DCAF6: variants seen among roughly 807,000 people sequenced by gnomAD.
The protein encoded by DCAF6 is DDB1- and CUL4-associated factor 6.
In DCAF6, 54 loss-of-function variants were observed where a neutral mutation model predicts 125.1. The ratio of observed to expected loss-of-function variants is 0.43; its 90% CI spans 0.35 to 0.54. DCAF6 has a LOEUF of 0.54. DCAF6 is among the 20% of genes least tolerant of loss of function. DCAF6 has a pLI of 0.01. For synonymous variants in DCAF6, 371 were observed against 390.4 expected (o/e 0.95, Z 0.58); for missense variants, 934 against 1,161.7 (o/e 0.80, Z 2.85).
chr1:168,027,133 G>C (rs1435769883), intron 12 of DCAF6, among the ~76,000 whole-genome samples: 1 of 152,110 alleles, frequency 6.6e-6, no homozygotes, highest in African/African-American at 2.4e-5. Context: ...TGATTGCTTT[G>C]ACATTGTAGT....
intron 6 of DCAF6, among the ~76,000 whole-genome samples, chr1:167,992,275 A>ACACACACACG (rs900398207): frequency 1.3e-5 from 2 of 149,526 alleles, no homozygotes; most frequent in Non-Finnish European, 3.0e-5. Context: ...ACACACACAC[A>ACACACACACG]CACACACAAA....
chr1:167,979,627 C>T (rs1678796798), intron 4 of DCAF6, among the ~76,000 whole-genome samples: 1 of 152,168 alleles, frequency 6.6e-6, no homozygotes, highest in Non-Finnish European at 1.5e-5. Context: ...TGGCTCATGC[C>T]TGTGATCCCA....
At chr1:167,928,816 T>C in the DCAF6 span, among the ~76,000 whole-genome samples, 1 of 152,212 alleles carries the variant, frequency 6.6e-6, no homozygotes, top group Non-Finnish European at 1.5e-5. Flanking sequence ...TAACATCCAT[T>C]ATGATAAATG....
the DCAF6 span, among the ~76,000 whole-genome samples, chr1:167,888,373 GA>G: frequency 6.6e-6 from 1 of 151,924 alleles, no homozygotes; most frequent in African/African-American, 2.4e-5. Context: ...TGGGTAGTAT[GA>G]ACATTCTTCC....
chr1:167,902,075 T>C, the DCAF6 span: 1 of 1,574,886 alleles, frequency 6.3e-7, no homozygotes, highest in Non-Finnish European at 8.7e-7. Flanking sequence ...AAAAAAAAAT[T>C]AAATCAAACC....
chr1:168,066,670 T>C lies in DCAF6; in HGVS notation c.2685+205T>C, dbSNP rs903052852. ...AATCTAAATAGTAGCTTACTAATTATAATATTCATCATCGGTAACACCAGA... is the reference window on the plus strand; with the variant it reads ...AATCTAAATAGTAGCTTACTAATTACAATATTCATCATCGGTAACACCAGA... On this transcript the variant is annotated intron_variant, in intron 20 of 21. Coordinates refer to ENST00000367840, the MANE Select transcript of DCAF6 (RefSeq NM_001198956.2). Among the ~76,000 whole-genome samples the C allele has an allele frequency of 2.6e-5, 4 of 152,142 alleles. No individual in the cohort carries two copies. In the South Asian group the frequency reaches 8.3e-4, roughly 32 times the overall value.
chr1:167,874,011 T>C, the DCAF6 span, among the ~76,000 whole-genome samples: 3 of 151,776 alleles, frequency 2.0e-5, no homozygotes, highest in South Asian at 2.1e-4. Context: ...AGTTGAAAAA[T>C]AGGTGAAAAA....
intron 2 of DCAF6, among the ~76,000 whole-genome samples, chr1:167,953,000 C>T (rs560788577): frequency 2.4e-4 from 36 of 152,150 alleles, no homozygotes; most frequent in African/African-American, 8.2e-4. Context: ...GCTGAAGATC[C>T]GCCTTGCTGA....
At chr1:167,885,458 CCTGT>C in the DCAF6 span, among the ~76,000 whole-genome samples, 1 of 152,122 alleles carries the variant, frequency 6.6e-6, no homozygotes, top group East Asian at 1.9e-4. Context: ...TTTGTTATTG[CCTGT>C]CTTTTGGATA....
At chr1:168,000,024 T>G (rs73026155) in intron 7 of DCAF6, among the ~76,000 whole-genome samples, 4,315 of 152,218 alleles carry the variant, frequency 0.028, 152 homozygotes, top group African/African-American at 0.081. Flanking sequence ...TGATTTAAAG[T>G]GAAAGGCATA....
chr1:168,064,029 TTC>T (rs2101962408), intron 18 of DCAF6: 2 of 196,094 alleles, frequency 1.0e-5, no homozygotes, highest in Admixed American at 6.2e-5. Flanking sequence ...TTTTTTTTTT[TTC>T]CCCCTCTCTT....
At chr1:167,956,210 T>C (rs148505939) in intron 2 of DCAF6, among the ~76,000 whole-genome samples, 1 of 152,312 alleles carries the variant, frequency 6.6e-6, no homozygotes, top group East Asian at 1.9e-4. Context: ...GTCTTTTTTT[T>C]TTCCTGGGAA....
intron 2 of DCAF6, among the ~76,000 whole-genome samples, chr1:167,963,085 C>T (rs1196684149): frequency 6.6e-6 from 1 of 151,986 alleles, no homozygotes; most frequent in Non-Finnish European, 1.5e-5. Flanking sequence ...CATGGTGAAA[C>T]CCTGGCTCTA....
At chr1:167,969,196 T>C (rs939623391) in intron 3 of DCAF6, 6 of 152,158 alleles carry the variant, frequency 3.9e-5, no homozygotes, top group African/African-American at 1.2e-4. Flanking sequence ...TTTTGTCTAT[T>C]AATTTAGGTT....
upstream of DCAF6, among the ~76,000 whole-genome samples, chr1:167,931,343 G>A (rs1250040302): frequency 6.6e-6 from 1 of 152,032 alleles, no homozygotes; most frequent in Non-Finnish European, 1.5e-5. Context: ...TATACAATAG[G>A]CCCTCAATAA....
intron 1 of DCAF6, among the ~76,000 whole-genome samples, chr1:167,942,142 C>T (rs190702555): frequency 1.3e-3 from 204 of 152,186 alleles, no homozygotes; most frequent in Admixed American, 4.1e-3. Context: ...CTTGGCTTAC[C>T]GCAACCTCTG....
At chr1:167,936,205 G>A (rs1041091668), upstream of DCAF6, 5 of 251,976 alleles carry the variant, frequency 2.0e-5, no homozygotes, top group Non-Finnish European at 3.1e-5. Flanking sequence ...GGCCCGCCCC[G>A]AGGCGCGGGC....
intron 12 of DCAF6, among the ~76,000 whole-genome samples, chr1:168,027,124 G>C (rs1686437090): frequency 6.6e-6 from 1 of 152,128 alleles, no homozygotes; most frequent in African/African-American, 2.4e-5. Context: ...TTGGCAACGT[G>C]ATTGCTTTGA....
rs918833335 is a variant in DCAF6 at position 168,038,290 on chromosome 1, A to G, written c.1610-81A>G. On this transcript the variant is annotated intron_variant, in intron 12 of 21. Transcript: ENST00000367840. The stretch of plus-strand genomic sequence containing the variant: ...AGAATTATGACAAGGACAACCTAAT[A>G]TAAGTTTTATAAATTTTAGGAAATG... 36 of 1,014,938 alleles carry G rather than the reference A, an allele frequency of 3.5e-5. No individual in the cohort carries two copies. The South Asian group carries it at 4.6e-4, about 13-fold the overall frequency. 62.9% of individuals were successfully genotyped at this position (1,014,938 alleles called of 1,614,324 possible). A position where few individuals can be genotyped will look rare whatever the true frequency, so the allele number is the denominator to read the frequency against.
Sources: allele counts gnomAD v4.1 joint callset (sites outside exome capture counted in the v4.1 genomes callset), GRCh38; gene constraint gnomAD v4.1.1; transcripts MANE v1.5; gene names NCBI Gene and HGNC (gene_info 2026-07-23, HGNC 2026-07-21).